Variants in YBX3 observed in about 807,000 individuals in gnomAD.
YBX3 encodes Y-box-binding protein 3.
YBX3 carries 29 observed loss-of-function variants against 42.4 expected under a neutral mutation model. The observed-to-expected ratio is 0.68, with a 90% CI of 0.51 to 0.93. The LOEUF (loss-of-function observed/expected upper bound fraction) is 0.93, where lower values mean the gene tolerates loss of function less well. Ranked by LOEUF, YBX3 falls within the 40% of genes least tolerant of loss-of-function variation. The pLI, the probability that YBX3 is intolerant of heterozygous loss-of-function variation, is 0.00. For synonymous variants in YBX3, 195 were observed against 189.8 expected (o/e 1.03, Z -0.22); for missense variants, 517 against 527.5 (o/e 0.98, Z 0.19).
At chr12:10,717,764 A>C (rs1948278779) in intron 3 of YBX3, 1 of 186,232 alleles carries the variant, frequency 5.4e-6, no homozygotes, top group Non-Finnish European at 1.1e-5. Context: ...GAACCACATC[A>C]GGAGAACAGG....
Position 10,704,082 on chromosome 12 carries a change from G to A in YBX3, c.847C>T (p.Arg283Ter). 4 of 1,614,156 alleles carry A rather than the reference G, an allele frequency of 2.5e-6. No homozygotes were observed. Among genetic ancestry groups the A allele is most frequent in the Non-Finnish European group, 3.4e-6 (4 of 1,180,032 alleles). Residue 283 changes from arginine (R) to a stop codon, truncating the protein, a stop_gained, in exon 7 of 10, where the codon CGA becomes TGA. Transcript: ENST00000228251. LOFTEE classifies it high-confidence loss of function. ...TACCTTGGGCGGTAAGTTGGATTTC[G>A]ATGAACCGGTCCCTGAAGTTGTGCT... ...EGAQLQGPVH[R>*]NPTYRPRYRS...
chr12:10,704,327 G>A, intron 6 of YBX3, 179 bp from the exon 7 acceptor site: 2 of 538,382 alleles, frequency 3.7e-6, no homozygotes, highest in South Asian at 5.8e-5. Flanking sequence ...CGACTGAAAA[G>A]GAAGACAAAC....
At chr12:10,713,143 A>C in intron 5 of YBX3, 68 bp downstream of exon 5, 1 of 1,504,936 alleles carries the variant, frequency 6.6e-7, no homozygotes, top group Non-Finnish European at 8.9e-7. Flanking sequence ...ATCTGCTCCA[A>C]GTACATACAC....
In YBX3 at chr12:10,701,893, T is replaced by C. The variant is rs111863508; in HGVS notation, c.1053+67A>G. 9.8e-6 allele frequency: 15 copies of C among 1,523,006 alleles called. No individual in the cohort carries two copies. In the African/African-American group the frequency reaches 1.3e-4, roughly 13 times the overall value. The allele number at this position is 1,523,006 out of a possible 1,614,324, so 94.3% of individuals were successfully genotyped here. ...AGGTTTCATGTGATAAAACCACTTT[T>C]AGAATGCTAAAGTCTGACATGATTA... is the stretch of plus-strand genomic sequence containing the variant. On this transcript the variant is annotated intron_variant, in intron 8 of 9. Transcript: ENST00000228251.
intron 1 of YBX3, among the ~76,000 whole-genome samples, chr12:10,721,343 C>T (rs1948322496): frequency 6.6e-6 from 1 of 152,222 alleles, no homozygotes; most frequent in African/African-American, 2.4e-5. Context: ...ATAGTATCTG[C>T]TTTCCCAATC....
chr12:10,708,842 T>A (rs541692729), intron 6 of YBX3, among the ~76,000 whole-genome samples: 2 of 152,372 alleles, frequency 1.3e-5, no homozygotes, highest in East Asian at 3.9e-4. Context: ...ACGTGATATA[T>A]GTTGTATAAG....
chr12:10,709,247 G>C (rs1404576585), intron 6 of YBX3, among the ~76,000 whole-genome samples: 1 of 152,144 alleles, frequency 6.6e-6, no homozygotes. Flanking sequence ...TCTATCCCTA[G>C]TTTTCCAAGT....
rs1948353721 is a variant in YBX3 at position 10,723,091 on chromosome 12, G to A, written c.21C>T (p.Ala7=). 8.3e-7 allele frequency: 1 copy of A among 1,206,700 alleles called. No individual in the cohort carries two copies. The highest frequency in any genetic ancestry group is 4.4e-5 in the Admixed American group (1 of 22,606). 74.7% of individuals were successfully genotyped at this position (1,206,700 alleles called of 1,614,324 possible). The part of the protein sequence containing the change: MSEAGE[A]TTTTTTTLPQ... Reference sequence around the variant, plus strand: ...GGAGGGTGGTGGTGGTGGTGGTGGTGGCCTCGCCCGCCTCACTCATGCCTC... The same window carrying A: ...GGAGGGTGGTGGTGGTGGTGGTGGTAGCCTCGCCCGCCTCACTCATGCCTC... Residue 7 remains alanine (A), a synonymous_variant, in exon 1 of 10, where the codon GCC becomes GCT. Transcript: ENST00000228251.
chr12:10,705,068 G>A (rs781729209), intron 6 of YBX3, among the ~76,000 whole-genome samples: 6 of 152,084 alleles, frequency 3.9e-5, no homozygotes, highest in Non-Finnish European at 7.4e-5. Context: ...ACTAAAGTAA[G>A]TTATATCTTT....
At chr12:10,704,795 T>C (rs1469403525) in intron 6 of YBX3, among the ~76,000 whole-genome samples, 1 of 152,210 alleles carries the variant, frequency 6.6e-6, no homozygotes, top group Non-Finnish European at 1.5e-5. Context: ...TCCAAGTTCA[T>C]ATCTGAAACC....
At chr12:10,717,049 AC>A (rs1419035439) in intron 3 of YBX3, among the ~76,000 whole-genome samples, 1 of 152,218 alleles carries the variant, frequency 6.6e-6, no homozygotes, top group Non-Finnish European at 1.5e-5. Flanking sequence ...AGTATTATAA[AC>A]AACACTATTA....
At chr12:10,718,157 T>G in intron 2 of YBX3, 36 bp from the exon 3 acceptor site, 1 of 1,598,930 alleles carries the variant, frequency 6.3e-7, no homozygotes. Flanking sequence ...TTAAAGGTAG[T>G]ACGTATGTGG....
chr12:10,710,285 A>G (rs1948185923), intron 5 of YBX3, 171 bp from the exon 6 acceptor site: 1 of 1,494,496 alleles, frequency 6.7e-7, no homozygotes, highest in Non-Finnish European at 8.9e-7. Flanking sequence ...TGCCTGGGAT[A>G]AACTACATTA....
intron 7 of YBX3, chr12:10,703,772 A>T: frequency 2.8e-6 from 1 of 351,918 alleles, no homozygotes. Flanking sequence ...ATTGCCCACC[A>T]ATAATTTATC....
At chr12:10,703,784 GATTT>G (rs962465657) in intron 7 of YBX3, 6 of 383,044 alleles carry the variant, frequency 1.6e-5, no homozygotes, top group South Asian at 3.2e-5. Flanking sequence ...TAATTTATCT[GATTT>G]ATTTTGATAA....
intron 6 of YBX3, among the ~76,000 whole-genome samples, chr12:10,709,355 A>C (rs1948172317): frequency 6.6e-6 from 1 of 152,218 alleles, no homozygotes. Context: ...AGAATCAATA[A>C]TCAACAACCT....
At chr12:10,710,227 C>A in intron 5 of YBX3, 113 bp from the exon 6 acceptor site, 1 of 1,533,012 alleles carries the variant, frequency 6.5e-7, no homozygotes, top group Non-Finnish European at 8.7e-7. Context: ...CAATATAATC[C>A]TTTCCATTAT....
At chr12:10,706,707 T>G (rs11830560) in intron 6 of YBX3, among the ~76,000 whole-genome samples, 18,826 of 152,142 alleles carry the variant, frequency 0.12, 1,485 homozygotes, top group African/African-American at 0.22. Flanking sequence ...CCCTACGGCT[T>G]TAAACATCCT....
In YBX3 at chr12:10,722,900, G is replaced by A. The variant is rs1370267045; in HGVS notation, c.212C>T (p.Ala71Val). ...GCTGCCGGCGGCGGTGGCTAAAGAG[G>A]CGGCGGCCGCGGTGCCCGTGGCTGC... ...APAATGTAAA[A>V]SLATAAGSED... Residue 71 changes from alanine (A) to valine (V), a missense_variant, in exon 1 of 10, where the codon GCC (alanine) becomes GTC (valine). By Grantham distance (64) the Ala-to-Val change is moderately conservative. Around this residue, in one of 3 missense-constraint regions of YBX3, gnomAD observed 11 missense variants for 36.5 expected, o/e 0.30. Coordinates refer to ENST00000228251, the MANE Select transcript of YBX3 (RefSeq NM_003651.5). 3.2e-5 allele frequency: 46 copies of A among 1,444,010 alleles called. No individual in the cohort carries two copies. Among genetic ancestry groups the A allele is most frequent in the Non-Finnish European group, 4.2e-5 (46 of 1,098,516 alleles). 89.4% of individuals were successfully genotyped at this position (1,444,010 alleles called of 1,614,324 possible). A position where few individuals can be genotyped will look rare whatever the true frequency, so the allele number is the denominator to read the frequency against.
Sources: allele counts gnomAD v4.1 joint callset (sites outside exome capture counted in the v4.1 genomes callset), GRCh38; gene constraint gnomAD v4.1.1; regional missense constraint gnomAD v4.1.1; transcripts MANE v1.5; gene names NCBI Gene and HGNC (gene_info 2026-07-23, HGNC 2026-07-21).